The following SHOC2 variants were observed in gnomAD, a reference collection of about 807,000 sequenced individuals.
SHOC2 encodes leucine-rich repeat protein SHOC-2.
In SHOC2, 4 loss-of-function variants were observed where a neutral mutation model predicts 50.2. The ratio of observed to expected loss-of-function variants is 0.08; its 90% CI spans 0.04 to 0.18. The LOEUF is 0.18. Among genes scored for constraint, SHOC2 ranks in the 10% least tolerant of loss-of-function variants. SHOC2 has a pLI of 1.00. For missense variants in SHOC2, 388 were observed against 669.6 expected (o/e 0.58, Z 4.64); for synonymous variants, 218 against 244.5 (o/e 0.89, Z 1.01).
intron 2 of SHOC2, among the ~76,000 whole-genome samples, chr10:110,975,095 A>G (rs1384918483): frequency 1.3e-5 from 2 of 151,974 alleles, no homozygotes; most frequent in African/African-American, 4.8e-5. Flanking sequence ...TAAACTACAA[A>G]TTTTAGTTAA....
chr10:110,929,057 A>G (rs1406994546), intron 1 of SHOC2, among the ~76,000 whole-genome samples: 1 of 152,250 alleles, frequency 6.6e-6, no homozygotes, highest in African/African-American at 2.4e-5. Context: ...AACAACAATG[A>G]TCCTGTGCCA....
At chr10:110,944,910 T>C (rs1847218518) in intron 1 of SHOC2, among the ~76,000 whole-genome samples, 1 of 152,196 alleles carries the variant, frequency 6.6e-6, no homozygotes, top group African/African-American at 2.4e-5. Flanking sequence ...AACACTCAGC[T>C]GGGTAGTTGG....
intron 5 of SHOC2, 85 bp from the exon 6 acceptor site, chr10:111,007,446 A>T: frequency 6.9e-7 from 1 of 1,441,146 alleles, no homozygotes; most frequent in Non-Finnish European, 9.7e-7. Flanking sequence ...TTGTTTAATT[A>T]AGAATTCTCT....
At chr10:110,958,153 C>A (rs939027754) in intron 1 of SHOC2, among the ~76,000 whole-genome samples, 1 of 152,036 alleles carries the variant, frequency 6.6e-6, no homozygotes. Context: ...TTGACAATAC[C>A]CTTTCCTAGT....
rs564658918 is a variant in SHOC2, at chr10:110,985,505, T to TA, written c.704-121dup. On this transcript the variant is annotated intron_variant, in intron 2 of 8. Transcript: ENST00000369452. ...AATTTTAAAATAAAAGTTGCCTATCTAATAAGGTTATGTTTCCCGTTGTTT... is the reference window on the plus strand; with the variant it reads ...AATTTTAAAATAAAAGTTGCCTATCTAAATAAGGTTATGTTTCCCGTTGTTT... The TA allele has an allele frequency of 1.1e-4, 75 of 672,864 alleles. No homozygotes were observed. In the East Asian group the frequency reaches 2.0e-3, roughly 18 times the overall value. 41.7% of individuals were successfully genotyped at this position (672,864 alleles called of 1,614,324 possible).
At chr10:110,950,783 TG>T (rs2134103222) in intron 1 of SHOC2, among the ~76,000 whole-genome samples, 1 of 152,302 alleles carries the variant, frequency 6.6e-6, no homozygotes, top group South Asian at 2.1e-4. Flanking sequence ...CTTCAATAAA[TG>T]GTGTTGGAAA....
chr10:111,003,989 A>G (rs574725080), intron 4 of SHOC2, among the ~76,000 whole-genome samples: 1 of 152,304 alleles, frequency 6.6e-6, no homozygotes, highest in South Asian at 2.1e-4. Flanking sequence ...GTAGGGCAAG[A>G]TGGGGTTATG....
At chr10:110,925,187 G>GT (rs1018040188) in intron 1 of SHOC2, among the ~76,000 whole-genome samples, 46 of 146,414 alleles carry the variant, frequency 3.1e-4, no homozygotes, top group South Asian at 1.3e-3. Flanking sequence ...TCATGGTAAA[G>GT]TTTTTTTTTT....
rs184710364 is a variant in SHOC2 at position 111,001,243 on chromosome 10, C to G, written c.972+698C>G. 5.1e-3 allele frequency among the ~76,000 whole-genome samples: 769 copies of G among 149,958 alleles called. 8 individuals are homozygous for G. The highest frequency in any genetic ancestry group is 0.018 in the African/African-American group (736 of 40,782). On this transcript the variant is annotated intron_variant, in intron 4 of 8. Coordinates refer to ENST00000369452, the MANE Select transcript of SHOC2 (RefSeq NM_007373.4). ...CGCGATCTTGGCTCGGCTGCAACCT[C>G]TGCCTCCTGGGTTCAAGCGATTCTC...
chr10:110,937,259 CT>C (rs80353363), intron 1 of SHOC2: 134,333 of 590,782 alleles, frequency 0.23, 1 homozygote, highest in East Asian at 0.27. Context: ...GGGAAAGCTG[CT>C]TTTTTTTTTT....
chr10:110,980,232 C>T (rs1317125286), intron 2 of SHOC2, among the ~76,000 whole-genome samples: 5 of 150,964 alleles, frequency 3.3e-5, no homozygotes, highest in Non-Finnish European at 5.9e-5. Flanking sequence ...TCTCTGCTCA[C>T]TGCAAGCTCC....
chr10:110,946,864 TTCA>T (rs1347480869), intron 1 of SHOC2, among the ~76,000 whole-genome samples: 1 of 152,176 alleles, frequency 6.6e-6, no homozygotes, highest in African/African-American at 2.4e-5. Flanking sequence ...AGGGAGTGAC[TTCA>T]TCATATTTAA....
At chr10:110,925,530 C>T (rs772249730) in intron 1 of SHOC2, among the ~76,000 whole-genome samples, 32 of 152,304 alleles carry the variant, frequency 2.1e-4, no homozygotes, top group Middle Eastern at 6.8e-3. Context: ...TCATGGGGCT[C>T]ATTGCAGCCC....
chr10:110,920,606 G>A (rs537231689), intron 1 of SHOC2, among the ~76,000 whole-genome samples: 1 of 152,174 alleles, frequency 6.6e-6, no homozygotes, highest in African/African-American at 2.4e-5. Context: ...CAAACAGGTG[G>A]AATAAATACC....
chr10:110,964,364 T>C lies in SHOC2; in HGVS notation c.6T>C (p.Ser2=). The C allele has an allele frequency of 1.2e-6, 2 of 1,612,794 alleles. No homozygotes were observed. The highest frequency in any genetic ancestry group is 1.7e-6 in the Non-Finnish European group (2 of 1,179,450). The change falls in exon 2 of 9, where the codon AGT becomes AGC. Residue 2 remains serine (S), a synonymous_variant. Coordinates refer to ENST00000369452, the MANE Select transcript of SHOC2 (RefSeq NM_007373.4). This position sits in a 1 kb window ranked among gnomAD's most constrained non-coding sequence, Gnocchi z 4.9. ...TTGTCCAGGCTTGAGTCACCATGAG[T>C]AGTAGTTTAGGAAAAGAAAAAGACT... M[S]SSLGKEKDSK...
chr10:110,958,792 C>T (rs940037096), intron 1 of SHOC2, among the ~76,000 whole-genome samples: 1 of 151,922 alleles, frequency 6.6e-6, no homozygotes, highest in Non-Finnish European at 1.5e-5. Flanking sequence ...GCCGGCTACT[C>T]AGACATTACC....
intron 2 of SHOC2, among the ~76,000 whole-genome samples, chr10:110,974,387 C>T (rs1847837931): frequency 6.6e-6 from 1 of 151,610 alleles, no homozygotes; most frequent in African/African-American, 2.4e-5. Flanking sequence ...AGACTATATT[C>T]TGTTGTTTTT....
chr10:110,960,864 A>G (rs540423772), intron 1 of SHOC2, among the ~76,000 whole-genome samples: 52 of 152,120 alleles, frequency 3.4e-4, no homozygotes, highest in Admixed American at 7.2e-4. Flanking sequence ...TTTAGTAGAG[A>G]TGGCGTTTCA....
chr10:110,939,568 T>C (rs1315465392), intron 1 of SHOC2, among the ~76,000 whole-genome samples: 1 of 152,172 alleles, frequency 6.6e-6, no homozygotes, highest in African/African-American at 2.4e-5. Context: ...AGGTAAGATA[T>C]CGAGTCATCC....
Sources: gnomAD v4.1 joint callset for allele counts (sites outside exome capture counted in the v4.1 genomes callset) on GRCh38, gnomAD v4.1.1 for gene constraint, Gnocchi (gnomAD v3.1) non-coding constraint, MANE v1.5 for transcripts, NCBI Gene and HGNC (gene_info 2026-07-23, HGNC 2026-07-21) for gene names.